The following CLCN5 variants were observed in gnomAD, a reference collection of about 807,000 sequenced individuals.
CLCN5 encodes Cl-/H+ antiporter 5, also known as H(+)/Cl(-) exchange transporter 5.
CLCN5 carries 17 observed loss-of-function variants against 54.0 expected under a neutral mutation model. The observed-to-expected ratio is 0.31, with a 90% confidence interval of 0.22 to 0.47. The LOEUF (loss-of-function observed/expected upper bound fraction) is 0.47, where lower values mean the gene tolerates loss of function less well. Among genes scored for constraint, CLCN5 ranks in the 20% least tolerant of loss-of-function variants. The probability of loss-of-function intolerance (pLI) is 1.00; values close to 1 mark genes in which losing one functional copy is unlikely to be tolerated. For missense variants in CLCN5, 448 were observed against 646.7 expected (o/e 0.69, Z 3.33); for synonymous variants, 222 against 233.0 (o/e 0.95, Z 0.43).
intron 3 of CLCN5, among the ~76,000 whole-genome samples, chrX:49,943,568 T>G (rs1262736134): frequency 9.3e-6 from 1 of 107,148 alleles, no homozygotes; most frequent in Non-Finnish European, 1.9e-5. Flanking sequence ...CCATCTTGAA[T>G]TAATTTTTGT....
At chrX:50,036,356 C>T (rs1286803215) in intron 3 of CLCN5, among the ~76,000 whole-genome samples, 1 of 112,069 alleles carries the variant, frequency 8.9e-6, no homozygotes, top group Non-Finnish European at 1.9e-5. Flanking sequence ...TCTTTCTATG[C>T]ATTTACTAAA....
chrX:50,008,812 C>A (rs1175504595), intron 3 of CLCN5, among the ~76,000 whole-genome samples: 1 of 112,138 alleles, frequency 8.9e-6, no homozygotes, highest in East Asian at 2.8e-4. Context: ...TCACATGGAA[C>A]TCTGCAGGAG....
At position 50,011,158 on chromosome X, in the gene CLCN5, C is replaced by T. The variant is rs782532167; in HGVS notation, c.17-31158C>T. Among the ~76,000 whole-genome samples, 52 of 111,600 alleles carry T rather than the reference C, an allele frequency of 4.7e-4. No homozygotes were observed. In the South Asian group the frequency reaches 0.016, roughly 34 times the overall value. ...CATTCTTTCAGCCTGTGTGCCAGTACTGCCTTGACTCACTGTCCCTTTTCA... is the reference window on the plus strand; with the variant it reads ...CATTCTTTCAGCCTGTGTGCCAGTATTGCCTTGACTCACTGTCCCTTTTCA... On this transcript the variant is annotated intron_variant, in intron 3 of 14. Transcript: ENST00000376091.
intron 3 of CLCN5, among the ~76,000 whole-genome samples, chrX:49,952,037 T>C (rs1432409749): frequency 8.9e-6 from 1 of 112,519 alleles, no homozygotes; most frequent in African/African-American, 3.2e-5. Context: ...TAGTTATGCA[T>C]AGATGAATGG....
intron 3 of CLCN5, among the ~76,000 whole-genome samples, chrX:49,933,174 A>G (rs1412184357): frequency 1.8e-5 from 2 of 111,546 alleles, no homozygotes; most frequent in East Asian, 2.8e-4. Flanking sequence ...CTTTTCCTCT[A>G]TCTGGCACAG....
intron 3 of CLCN5, among the ~76,000 whole-genome samples, chrX:49,942,228 T>C (rs1926390395): frequency 2.2e-5 from 2 of 89,801 alleles, no homozygotes; most frequent in African/African-American, 4.2e-5. Flanking sequence ...CAAATTCATA[T>C]CTAGTACTCC....
intron 4 of CLCN5, chrX:50,069,507 G>T: frequency 1.3e-6 from 1 of 767,112 alleles, no homozygotes; most frequent in Non-Finnish European, 1.5e-6. Flanking sequence ...TTCTTGATGT[G>T]ATATGGCTGC....
intron 9 of CLCN5, among the ~76,000 whole-genome samples, chrX:50,082,602 G>A (rs1933744018): frequency 1.8e-5 from 2 of 111,347 alleles, no homozygotes; most frequent in East Asian, 2.8e-4. Context: ...CATGAGACAC[G>A]ATGCCTGGCT....
chrX:49,984,698 T>C (rs1209398810), intron 3 of CLCN5, among the ~76,000 whole-genome samples: 2 of 110,400 alleles, frequency 1.8e-5, no homozygotes, highest in East Asian at 5.6e-4. Context: ...CGCTGTAGTC[T>C]CAAACGTTGG....
intron 3 of CLCN5, among the ~76,000 whole-genome samples, chrX:49,941,920 CTTTTTTTTTTTTTT>C (rs782574821): frequency 3.3e-5 from 2 of 60,568 alleles, no homozygotes; most frequent in African/African-American, 1.4e-4. Flanking sequence ...CAATCAGTAT[CTTTTTTTTTTTTTT>C]TTTTTTTTTG....
intron 3 of CLCN5, among the ~76,000 whole-genome samples, chrX:50,025,596 C>T (rs1180949339): frequency 2.7e-5 from 3 of 111,920 alleles, no homozygotes; most frequent in African/African-American, 9.8e-5. Context: ...TCTTCGTTTT[C>T]GTAGTTTCAC....
chrX:49,937,600 A>G (rs1381514035), intron 3 of CLCN5, among the ~76,000 whole-genome samples: 1 of 111,953 alleles, frequency 8.9e-6, no homozygotes. Flanking sequence ...GAAAACAAGT[A>G]AGATTAAATT....
chrX:50,091,834 G>T (rs1934109030), intron 14 of CLCN5, among the ~76,000 whole-genome samples: 2 of 112,435 alleles, frequency 1.8e-5, no homozygotes, highest in African/African-American at 6.5e-5. Flanking sequence ...TGGAATAGGG[G>T]CGTTTGAACT....
At chrX:49,969,042 T>C (rs1185922315) in intron 3 of CLCN5, among the ~76,000 whole-genome samples, 1 of 111,515 alleles carries the variant, frequency 9.0e-6, no homozygotes, top group Non-Finnish European at 1.9e-5. Context: ...TTTCTTCAGG[T>C]GCAAGCTGAG....
intron 3 of CLCN5, among the ~76,000 whole-genome samples, chrX:49,946,160 T>C (rs182167074): frequency 8.9e-6 from 1 of 112,757 alleles, no homozygotes; most frequent in Admixed American, 9.4e-5. Context: ...TTATCACATA[T>C]TTTTCATAAA....
rs1557191638 is a variant in CLCN5, at chrX:50,072,579, C to T, written c.406C>T (p.Leu136Phe). 1.7e-6 allele frequency: 2 copies of T among 1,190,220 alleles called. No homozygotes were observed. The change falls in exon 6 of 15, where the codon CTT becomes TTT. Residue 136 changes from leucine (L) to phenylalanine (F), a missense_variant. Coordinates refer to ENST00000376091, the MANE Select transcript of CLCN5 (RefSeq NM_001127898.4). ...SGWLLMLLIG[L>F]LSGSLAGLID... ...CTGGTTGTTGATGCTCCTTATTGGG[C>T]TTTTATCAGGTATGGTAAACTGTTA...
At chrX:50,042,664 C>T in intron 4 of CLCN5, 1 of 274,868 alleles carries the variant, frequency 3.6e-6, no homozygotes, top group East Asian at 5.3e-5. Flanking sequence ...CCTTTGCAGT[C>T]AGACCTCCTT....
chrX:49,954,082 T>C (rs1443127953), intron 3 of CLCN5, among the ~76,000 whole-genome samples: 1 of 112,102 alleles, frequency 8.9e-6, no homozygotes, highest in African/African-American at 3.2e-5. Flanking sequence ...TGATATTTGC[T>C]TTGTAATAGA....
chrX:50,027,707 CTT>C (rs1341143916), intron 3 of CLCN5, among the ~76,000 whole-genome samples: 4 of 104,800 alleles, frequency 3.8e-5, no homozygotes, highest in African/African-American at 1.5e-4. Context: ...ATGTCTGACT[CTT>C]TATCTTCATG....
Sources: allele counts gnomAD v4.1 joint callset (sites outside exome capture counted in the v4.1 genomes callset), GRCh38; gene constraint gnomAD v4.1.1; transcripts MANE v1.5; gene names NCBI Gene and HGNC (gene_info 2026-07-23, HGNC 2026-07-21).